The following DENND2A variants were observed in gnomAD, a reference collection of about 807,000 sequenced individuals.
DENND2A encodes the protein DENN domain-containing protein 2A.
DENND2A carries 53 observed loss-of-function variants against 105.3 expected under a neutral mutation model. That is an observed-to-expected ratio of 0.50 (90% CI 0.40 to 0.63). DENND2A has a LOEUF of 0.63. DENND2A is among the 30% of genes least tolerant of loss of function. The probability of loss-of-function intolerance (pLI) is 0.00; values close to 1 mark genes in which losing one functional copy is unlikely to be tolerated. For synonymous variants in DENND2A, 522 were observed against 508.4 expected (o/e 1.03, Z -0.36); for missense variants, 1,138 against 1,279.6 (o/e 0.89, Z 1.69).
chr7:140,617,669 G>A (rs1365671683), intron 1 of DENND2A, among the ~76,000 whole-genome samples: 4 of 152,056 alleles, frequency 2.6e-5, no homozygotes, highest in Non-Finnish European at 5.9e-5. Context: ...AGCCAAGATC[G>A]CACCACTGCA....
chr7:140,567,051 C>A, intron 9 of DENND2A, 35 bp downstream of exon 9: 1 of 1,527,244 alleles, frequency 6.5e-7, no homozygotes, highest in South Asian at 1.3e-5. Flanking sequence ...TGGTTAGAAC[C>A]CTGGCAGGCC....
chr7:140,635,526 C>T (rs1417858374), intron 1 of DENND2A, among the ~76,000 whole-genome samples: 1 of 152,098 alleles, frequency 6.6e-6, no homozygotes, highest in Non-Finnish European at 1.5e-5. Context: ...GTACTGGCCC[C>T]ACTCTCCAGC....
chr7:140,613,361 GA>G (rs1340984460), intron 1 of DENND2A, among the ~76,000 whole-genome samples: 1 of 151,704 alleles, frequency 6.6e-6, no homozygotes, highest in African/African-American at 2.4e-5. Flanking sequence ...CTAACATGGT[GA>G]AACCCCATCT....
chr7:140,539,040 T>C (rs1796552075), intron 14 of DENND2A, among the ~76,000 whole-genome samples: 1 of 152,140 alleles, frequency 6.6e-6, no homozygotes, highest in African/African-American at 2.4e-5. Flanking sequence ...GCCAGGCTGG[T>C]CTCGAACTCC....
intron 3 of DENND2A, among the ~76,000 whole-genome samples, chr7:140,592,535 G>C (rs1342870291): frequency 2.0e-5 from 3 of 151,188 alleles, no homozygotes; most frequent in African/African-American, 7.3e-5. Flanking sequence ...AGTAGAGACA[G>C]GGTTTTGCCA....
chr7:140,587,758 AAT>A lies in DENND2A; in HGVS notation c.1016_1017del (p.Asp339ValfsTer7), dbSNP rs776895682. 3.7e-6 allele frequency: 6 copies of A among 1,604,612 alleles called. No individual in the cohort carries two copies. The highest frequency in any genetic ancestry group is 5.1e-6 in the Non-Finnish European group (6 of 1,172,998). On this transcript the variant is annotated frameshift_variant, in exon 4 of 20. Coordinates refer to ENST00000496613, the MANE Select transcript of DENND2A (RefSeq NM_015689.5). LOFTEE classifies it high-confidence loss of function. ...ADHRKSYEFE[D>X]LLQSSSESSR... Reference sequence around the variant, plus strand: ...CTGCTCTCAGAGGAAGACTGCAGTAAATCTTCAAACTCATAGGACTTTCTGGA... The same window carrying A: ...CTGCTCTCAGAGGAAGACTGCAGTAACTTCAAACTCATAGGACTTTCTGGA...
chr7:140,537,433 C>T (rs935443282), intron 14 of DENND2A, among the ~76,000 whole-genome samples: 1 of 152,142 alleles, frequency 6.6e-6, no homozygotes, highest in Non-Finnish European at 1.5e-5. Context: ...ACATATAAGT[C>T]AATTTCTTAT....
chr7:140,609,374 G>A (rs575815685), intron 1 of DENND2A, among the ~76,000 whole-genome samples: 6 of 152,102 alleles, frequency 3.9e-5, no homozygotes, highest in Non-Finnish European at 5.9e-5. Flanking sequence ...TTAGGTGGGC[G>A]TGGTGGTGGG....
At chr7:140,526,531 G>C (rs1304093772) in intron 15 of DENND2A, among the ~76,000 whole-genome samples, 1 of 152,192 alleles carries the variant, frequency 6.6e-6, no homozygotes, top group African/African-American at 2.4e-5. Flanking sequence ...CCCAGGAGCG[G>C]AGGGCCACCT....
intron 1 of DENND2A, among the ~76,000 whole-genome samples, chr7:140,635,432 A>C (rs978265391): frequency 6.6e-6 from 1 of 152,198 alleles, no homozygotes; most frequent in African/African-American, 2.4e-5. Context: ...AAGTGGTCTG[A>C]TAAGCCCTTC....
rs775250062 is a variant in DENND2A, at chr7:140,569,753, G to A, written c.1447-15C>T. 5.7e-6 allele frequency: 9 copies of A among 1,583,098 alleles called. No individual in the cohort carries two copies. The highest frequency in any genetic ancestry group is 5.0e-5 in the Admixed American group (3 of 59,946). ...CGCAACACCAGCTGCCAGACACCAG[G>A]AGAAGAACAGCCAGTGTTAGCAGCC... On this transcript the variant is annotated splice_polypyrimidine_tract_variant and intron_variant, in intron 6 of 19. Transcript: ENST00000496613.
chr7:140,553,396 C>T (rs1362327232), intron 12 of DENND2A, among the ~76,000 whole-genome samples: 3 of 152,232 alleles, frequency 2.0e-5, no homozygotes, highest in African/African-American at 4.8e-5. Context: ...GTAGATCGAA[C>T]GTACAATCGG....
intron 9 of DENND2A, 85 bp downstream of exon 9, chr7:140,567,001 C>T (rs1797865230): frequency 7.8e-7 from 1 of 1,289,424 alleles, no homozygotes; most frequent in Non-Finnish European, 1.1e-6. Flanking sequence ...GTTCCTCAGA[C>T]TCCCACACCT....
chr7:140,548,801 C>T (rs1324249379), intron 12 of DENND2A, among the ~76,000 whole-genome samples: 9 of 150,684 alleles, frequency 6.0e-5, no homozygotes, highest in African/African-American at 2.2e-4. Context: ...TTAGTAGAGA[C>T]GGGGTTTCTC....
chr7:140,546,244 T>C (rs927457774), intron 13 of DENND2A, among the ~76,000 whole-genome samples: 7 of 151,776 alleles, frequency 4.6e-5, no homozygotes, highest in Admixed American at 4.6e-4. Flanking sequence ...ATGGTGAAAC[T>C]CCGTCTGTAC....
At chr7:140,610,443 G>A (rs1277421679) in intron 1 of DENND2A, among the ~76,000 whole-genome samples, 1 of 152,074 alleles carries the variant, frequency 6.6e-6, no homozygotes, top group Admixed American at 6.6e-5. Context: ...GAGAGAGAGA[G>A]ATCAAGAGAT....
intron 3 of DENND2A, among the ~76,000 whole-genome samples, chr7:140,588,310 A>G (rs1395334205): frequency 1.3e-5 from 2 of 152,214 alleles, no homozygotes; most frequent in African/African-American, 2.4e-5. Flanking sequence ...ATAATAAAGT[A>G]TATGTAAAAA....
In DENND2A at chr7:140,523,003, G is replaced by A. The variant is rs759429439; in HGVS notation, c.2665+304C>T. Reference sequence around the variant, plus strand: ...GCTCACTGCAGCCTCAACCTCCAGGGCTCAAGGGATCCTCCTGCCTCAGCC... The same window carrying A: ...GCTCACTGCAGCCTCAACCTCCAGGACTCAAGGGATCCTCCTGCCTCAGCC... On this transcript the variant is annotated intron_variant, in intron 17 of 19. Transcript: ENST00000496613. This position sits in a 1 kb window ranked among gnomAD's most constrained non-coding sequence, Gnocchi z 4.5. Among the ~76,000 whole-genome samples, 1 of 151,840 alleles carries A rather than the reference G, an allele frequency of 6.6e-6. No individual in the cohort carries two copies.
intron 1 of DENND2A, among the ~76,000 whole-genome samples, chr7:140,624,856 T>C (rs1407920930): frequency 7.0e-6 from 1 of 143,166 alleles, no homozygotes; most frequent in Admixed American, 6.7e-5. Flanking sequence ...TTTGTTTTTT[T>C]TGTTTTTTTT....
Sources: gnomAD v4.1 joint callset for allele counts (sites outside exome capture counted in the v4.1 genomes callset) on GRCh38, gnomAD v4.1.1 for gene constraint, Gnocchi (gnomAD v3.1) non-coding constraint, MANE v1.5 for transcripts, NCBI Gene and HGNC (gene_info 2026-07-23, HGNC 2026-07-21) for gene names.